Variants in ITPR2 observed in about 807,000 individuals in gnomAD.
ITPR2 encodes inositol 1,4,5-trisphosphate-gated calcium channel ITPR2.
A neutral mutation model predicts 317.1 loss-of-function variants in ITPR2; 207 were observed. That is an observed-to-expected ratio of 0.65 (90% CI 0.58 to 0.73). The LOEUF (loss-of-function observed/expected upper bound fraction) is 0.73. Among genes scored for constraint, ITPR2 ranks in the 30% least tolerant of loss-of-function variants. The probability of loss-of-function intolerance (pLI) is 0.00; values close to 1 mark genes in which losing one functional copy is unlikely to be tolerated. For synonymous variants in ITPR2, 1,156 were observed against 1,149.1 expected, an observed-to-expected ratio of 1.01 and a Z score of -0.12; for missense variants, 2,613 against 3,284.0, an observed-to-expected ratio of 0.80 and a Z score of 4.99.
At position 26,545,629 on chromosome 12, in the gene ITPR2, G is replaced by A. The variant is rs190033853; in HGVS notation, c.5073+4618C>T. 5.3e-5 allele frequency among the ~76,000 whole-genome samples: 8 copies of A among 152,228 alleles called. No individual in the cohort carries two copies. In the East Asian group the frequency reaches 1.5e-3, roughly 29 times the overall value. On this transcript the variant is annotated intron_variant, in intron 37 of 56. Transcript: ENST00000381340. ...CACACCACAAAGTTTCTGGTCAGTA[G>A]GAAAAAATACAGTCATGGAAACACA...
In ITPR2 at chr12:26,568,015, T is replaced by TAATATATATTATATATATTATATATATA. The variant is rs1445849098; in HGVS notation, c.4631-6064_4631-6063insTATATATATAATATATATAATATATATT. On this transcript the variant is annotated intron_variant, in intron 34 of 56. Coordinates refer to ENST00000381340, the MANE Select transcript of ITPR2 (RefSeq NM_002223.4). The stretch of plus-strand genomic sequence containing the variant: ...ATATATATTATATATATTATATATA[T>TAATATATATTATATATATTATATATATA]ATATATATATATATATAAAATGTCA... Among the ~76,000 whole-genome samples, 2 of 84,944 alleles carry TAATATATATTATATATATTATATATATA rather than the reference T, an allele frequency of 2.4e-5. 1 individual carries two copies. Among genetic ancestry groups the TAATATATATTATATATATTATATATATA allele is most frequent in the African/African-American group, 8.2e-5 (2 of 24,452 alleles). 55.7% of individuals were successfully genotyped at this position (84,944 alleles called of 152,430 possible).
chr12:26,819,267 A>G (rs1950903685), intron 1 of ITPR2, among the ~76,000 whole-genome samples: 1 of 152,182 alleles, frequency 6.6e-6, no homozygotes, highest in South Asian at 2.1e-4. Flanking sequence ...CAATAATAAC[A>G]CTGGAGAATT....
At chr12:26,397,700 C>G (rs574382296) in intron 54 of ITPR2, among the ~76,000 whole-genome samples, 1 of 152,028 alleles carries the variant, frequency 6.6e-6, no homozygotes, top group Non-Finnish European at 1.5e-5. Flanking sequence ...TTGAGGTGAA[C>G]GAAACACTCA....
intron 54 of ITPR2, among the ~76,000 whole-genome samples, 189 bp downstream of exon 54, chr12:26,398,687 G>C (rs977872183): frequency 2.0e-5 from 3 of 152,132 alleles, no homozygotes; most frequent in Non-Finnish European, 4.4e-5. Flanking sequence ...TAGCTTTGGG[G>C]TATAATTCCT....
intron 2 of ITPR2, among the ~76,000 whole-genome samples, chr12:26,740,308 C>A (rs1053436900): frequency 5.9e-5 from 9 of 152,140 alleles, no homozygotes; most frequent in Admixed American, 5.9e-4. Context: ...GATGAATGGC[C>A]ACATTGGATT....
At chr12:26,459,669 T>C (rs1319974118) in intron 45 of ITPR2, among the ~76,000 whole-genome samples, 1 of 152,238 alleles carries the variant, frequency 6.6e-6, no homozygotes, top group Non-Finnish European at 1.5e-5. Flanking sequence ...CTTCTTTCTG[T>C]TAAAGTTTGC....
chr12:26,830,750 G>C (rs1321952411), intron 1 of ITPR2, among the ~76,000 whole-genome samples: 1 of 152,108 alleles, frequency 6.6e-6, no homozygotes, highest in African/African-American at 2.4e-5. Context: ...TCTATTCCTA[G>C]TCCTTGTTAT....
intron 55 of ITPR2, among the ~76,000 whole-genome samples, chr12:26,351,449 A>C (rs1384752942): frequency 1.3e-5 from 2 of 152,240 alleles, no homozygotes; most frequent in Non-Finnish European, 2.9e-5. Flanking sequence ...AGCGGGAAAC[A>C]TTCTGCCCAT....
intron 13 of ITPR2, among the ~76,000 whole-genome samples, chr12:26,669,721 T>C (rs1217346945): frequency 2.0e-5 from 3 of 152,330 alleles, no homozygotes; most frequent in East Asian, 1.9e-4. Context: ...CAGCGCACCA[T>C]GCGCGAGCCG....
chr12:26,544,726 T>C (rs975288810), intron 37 of ITPR2, among the ~76,000 whole-genome samples: 1 of 151,732 alleles, frequency 6.6e-6, no homozygotes, highest in Admixed American at 6.6e-5. Flanking sequence ...AATGTAATAT[T>C]AGAATAGCTC....
Position 26,516,292 on chromosome 12 carries a change from GA to G in ITPR2, c.5074-21033del, listed in dbSNP as rs1228374716. Among the ~76,000 whole-genome samples, 6 of 79,084 alleles carry G rather than the reference GA, an allele frequency of 7.6e-5. 1 individual carries two copies. Among genetic ancestry groups the G allele is most frequent in the African/African-American group, 3.0e-4 (6 of 20,180 alleles). The allele number at this position is 79,084 out of a possible 152,430, so 51.9% of individuals were successfully genotyped here. A position where few individuals can be genotyped will look rare whatever the true frequency, so the allele number is the denominator to read the frequency against. ...GAAAGGAAGGGAAGGGAAGGGAAAG[GA>G]AAGGAAAGGAAAGGAAAGGAAAGGA... On this transcript the variant is annotated intron_variant, in intron 37 of 56. Transcript: ENST00000381340.
At chr12:26,425,495 C>T (rs928720105) in intron 49 of ITPR2, among the ~76,000 whole-genome samples, 3 of 151,974 alleles carry the variant, frequency 2.0e-5, no homozygotes, top group Admixed American at 2.0e-4. Flanking sequence ...GGTGAAACCT[C>T]ATCTCCACTA....
intron 36 of ITPR2, among the ~76,000 whole-genome samples, chr12:26,555,636 C>T (rs911236027): frequency 7.2e-5 from 11 of 152,146 alleles, no homozygotes; most frequent in Non-Finnish European, 7.3e-5. Context: ...ATCTGCAATA[C>T]CACAAACGCT....
intron 1 of ITPR2, among the ~76,000 whole-genome samples, chr12:26,828,685 T>C (rs918725135): frequency 5.9e-5 from 9 of 152,262 alleles, no homozygotes; most frequent in African/African-American, 1.7e-4. Flanking sequence ...GAAATTATTT[T>C]ATTTATGGAT....
At chr12:26,515,047 C>T (rs1178596910) in intron 37 of ITPR2, among the ~76,000 whole-genome samples, 1 of 152,128 alleles carries the variant, frequency 6.6e-6, no homozygotes, top group Non-Finnish European at 1.5e-5. Flanking sequence ...GTAATTTCTA[C>T]CTCAGTAGCA....
At chr12:26,569,634 T>C (rs1945104744) in intron 34 of ITPR2, among the ~76,000 whole-genome samples, 1 of 150,856 alleles carries the variant, frequency 6.6e-6, no homozygotes, top group South Asian at 2.1e-4. Context: ...TTAAAAATGG[T>C]TACACAAATT....
intron 42 of ITPR2, among the ~76,000 whole-genome samples, chr12:26,481,448 T>C (rs1942543540): frequency 6.6e-6 from 1 of 152,226 alleles, no homozygotes; most frequent in South Asian, 2.1e-4. Context: ...TGCAGAACAC[T>C]GAGCGAGACA....
chr12:26,447,874 T>A (rs1397956334), intron 45 of ITPR2, among the ~76,000 whole-genome samples: 4 of 151,992 alleles, frequency 2.6e-5, no homozygotes, highest in Non-Finnish European at 5.9e-5. Flanking sequence ...TGCAATCTGA[T>A]TTAAAATATT....
At chr12:26,405,511 A>G (rs188218727) in intron 52 of ITPR2, among the ~76,000 whole-genome samples, 107 of 152,358 alleles carry the variant, frequency 7.0e-4, no homozygotes, top group Non-Finnish European at 1.2e-3. Flanking sequence ...GAGGGAAGGA[A>G]TACAAACATA....
Sources: allele counts gnomAD v4.1 joint callset (sites outside exome capture counted in the v4.1 genomes callset), GRCh38; gene constraint gnomAD v4.1.1; transcripts MANE v1.5; gene names NCBI Gene and HGNC (gene_info 2026-07-23, HGNC 2026-07-21).